Variants in GNAQ observed in about 807,000 individuals in gnomAD.
GNAQ encodes the protein G protein subunit alpha q.
A neutral mutation model predicts 43.9 loss-of-function variants in GNAQ; 8 were observed. The observed-to-expected ratio is 0.18, with a 90% CI of 0.11 to 0.33. The LOEUF (loss-of-function observed/expected upper bound fraction) is 0.33, where lower values mean the gene tolerates loss of function less well. GNAQ is among the 10% of genes least tolerant of loss of function. The pLI, the probability that GNAQ is intolerant of heterozygous loss-of-function variation, is 1.00. For synonymous variants in GNAQ, 155 were observed against 170.7 expected (o/e 0.91, Z 0.71); for missense variants, 158 against 450.8 (o/e 0.35, Z 5.88).
intron 2 of GNAQ, among the ~76,000 whole-genome samples, chr9:77,874,109 A>AAAAAAACAAAAAC (rs1828089361): frequency 1.4e-5 from 2 of 148,090 alleles, no homozygotes; most frequent in African/African-American, 5.0e-5. Context: ...CATCTCAAAA[A>AAAAAAACAAAAAC]AAAAAAACAA....
Position 78,016,962 on chromosome 9 carries a change from T to C in GNAQ, c.136+14138A>G, listed in dbSNP as rs191770697. 7.2e-4 allele frequency among the ~76,000 whole-genome samples: 109 copies of C among 152,112 alleles called. 1 individual carries two copies. Among genetic ancestry groups the C allele is most frequent in the Admixed American group, 4.9e-3 (75 of 15,210 alleles). On this transcript the variant is annotated intron_variant, in intron 1 of 6. Transcript: ENST00000286548. ...TTATGTGTTGTGTTACGTTACGTTA[T>C]GTTATGTTATGTTATGTTATGGACC...
intron 5 of GNAQ, among the ~76,000 whole-genome samples, chr9:77,738,623 A>G (rs946084026): frequency 2.0e-5 from 3 of 152,150 alleles, no homozygotes; most frequent in Non-Finnish European, 2.9e-5. Context: ...ACTTTGAGAT[A>G]ATGAAAAGCC....
At chr9:77,781,827 A>C (rs543631680) in intron 5 of GNAQ, among the ~76,000 whole-genome samples, 30 of 152,168 alleles carry the variant, frequency 2.0e-4, no homozygotes, top group Non-Finnish European at 3.2e-4. Flanking sequence ...ATTCATGATA[A>C]AAACTTGCAT....
intron 5 of GNAQ, among the ~76,000 whole-genome samples, chr9:77,732,426 C>T (rs993974288): frequency 1.3e-5 from 2 of 150,504 alleles, no homozygotes; most frequent in Non-Finnish European, 3.0e-5. Context: ...AGTGCAGTTG[C>T]GTGATCTCAG....
chr9:77,948,592 TA>T (rs1417310055), intron 1 of GNAQ, among the ~76,000 whole-genome samples: 1 of 152,158 alleles, frequency 6.6e-6, no homozygotes, highest in Non-Finnish European at 1.5e-5. Context: ...CACAGCGTCC[TA>T]AGAAGTGGGC....
intron 1 of GNAQ, among the ~76,000 whole-genome samples, chr9:78,004,016 C>A (rs1823675804): frequency 6.6e-6 from 1 of 151,988 alleles, no homozygotes; most frequent in African/African-American, 2.4e-5. Flanking sequence ...TATGGAGGAA[C>A]AAATGTGTAT....
intron 2 of GNAQ, among the ~76,000 whole-genome samples, chr9:77,918,000 ACTGGACTCCCC>A (rs1370889898): frequency 6.6e-6 from 1 of 152,170 alleles, no homozygotes; most frequent in African/African-American, 2.4e-5. Context: ...GAGACTGTGA[ACTGGACTCCCC>A]CTGACCACAG....
intron 5 of GNAQ, among the ~76,000 whole-genome samples, chr9:77,732,622 T>C (rs1825513204): frequency 1.3e-5 from 2 of 152,156 alleles, no homozygotes; most frequent in African/African-American, 4.8e-5. Flanking sequence ...TGCCTTGGCC[T>C]CCCAAAGTGC....
At chr9:77,773,367 T>TAC (rs1423388200) in intron 5 of GNAQ, among the ~76,000 whole-genome samples, 1 of 152,208 alleles carries the variant, frequency 6.6e-6, no homozygotes, top group Non-Finnish European at 1.5e-5. Context: ...ACCTTAAAAT[T>TAC]GATAGTATGA....
At chr9:78,003,919 A>G (rs1298670288) in intron 1 of GNAQ, among the ~76,000 whole-genome samples, 1 of 152,180 alleles carries the variant, frequency 6.6e-6, no homozygotes, top group Non-Finnish European at 1.5e-5. Context: ...TCACTCATTG[A>G]GCAAACAAAA....
At chr9:77,908,554 A>G (rs921546607) in intron 2 of GNAQ, among the ~76,000 whole-genome samples, 3 of 152,212 alleles carry the variant, frequency 2.0e-5, no homozygotes, top group African/African-American at 7.2e-5. Context: ...TTATTGTCCC[A>G]AAAGTTTTGC....
At chr9:77,870,932 C>T (rs1384746886) in intron 2 of GNAQ, among the ~76,000 whole-genome samples, 1 of 151,964 alleles carries the variant, frequency 6.6e-6, no homozygotes, top group Non-Finnish European at 1.5e-5. Flanking sequence ...AATCTGTCAT[C>T]ACAGAAAGCA....
At chr9:77,745,391 G>A (rs544396498) in intron 5 of GNAQ, among the ~76,000 whole-genome samples, 5 of 152,098 alleles carry the variant, frequency 3.3e-5, no homozygotes, top group Admixed American at 2.6e-4. Context: ...CAAACGCACC[G>A]CAGTGAGTAG....
chr9:77,930,432 C>T (rs145948063), intron 1 of GNAQ, among the ~76,000 whole-genome samples: 6 of 152,220 alleles, frequency 3.9e-5, no homozygotes, highest in Admixed American at 3.9e-4. Context: ...ACAAATATTT[C>T]CCCAATTTGT....
intron 2 of GNAQ, among the ~76,000 whole-genome samples, chr9:77,819,239 G>A (rs1297083440): frequency 1.3e-5 from 2 of 152,078 alleles, no homozygotes; most frequent in Admixed American, 6.6e-5. Context: ...AGAATTCTAG[G>A]GAAAGACCAC....
intron 5 of GNAQ, among the ~76,000 whole-genome samples, chr9:77,741,006 G>A (rs1052417167): frequency 9.2e-5 from 14 of 152,212 alleles, no homozygotes; most frequent in Non-Finnish European, 1.8e-4. Context: ...ATAAAACTTT[G>A]TTTGGATGCT....
At chr9:77,758,381 A>C (rs1317295405) in intron 5 of GNAQ, among the ~76,000 whole-genome samples, 3 of 152,238 alleles carry the variant, frequency 2.0e-5, no homozygotes. Context: ...AACATCATCA[A>C]ATAATACACT....
intron 2 of GNAQ, among the ~76,000 whole-genome samples, chr9:77,897,762 G>A (rs1464496478): frequency 1.3e-5 from 2 of 152,130 alleles, no homozygotes; most frequent in African/African-American, 4.8e-5. Context: ...CAGCTGCTAA[G>A]TGCCAAGATG....
intron 3 of GNAQ, among the ~76,000 whole-genome samples, chr9:77,814,401 T>A (rs574481417): frequency 6.6e-6 from 1 of 152,154 alleles, no homozygotes; most frequent in African/African-American, 2.4e-5. Flanking sequence ...AAAGCACACA[T>A]TTCAGAGGCA....
Sources: gnomAD v4.1 joint callset for allele counts (sites outside exome capture counted in the v4.1 genomes callset) on GRCh38, gnomAD v4.1.1 for gene constraint, MANE v1.5 for transcripts, NCBI Gene and HGNC (gene_info 2026-07-23, HGNC 2026-07-21) for gene names.